Variants in SENP8 observed in about 807,000 individuals in gnomAD.
SENP8 encodes the protein sentrin-specific protease 8.
SENP8 carries 10 observed loss-of-function variants against 14.4 expected under a neutral mutation model. The ratio of observed to expected loss-of-function variants is 0.69; its 90% CI spans 0.43 to 1.18. The LOEUF (loss-of-function observed/expected upper bound fraction) is 1.18, where lower values mean the gene tolerates loss of function less well. Among genes scored for constraint, SENP8 ranks in the 50% most tolerant of loss-of-function variants. SENP8 has a pLI of 0.00. For synonymous variants in SENP8, 94 were observed against 95.5 expected (o/e 0.98, Z 0.09); for missense variants, 202 against 249.4 (o/e 0.81, Z 1.28).
chr15:72,131,668 G>A lies in SENP8; in HGVS notation c.-47-7909G>A, dbSNP rs566541235. On this transcript the variant is annotated intron_variant, in intron 1 of 1. Coordinates refer to ENST00000340912, the MANE Select transcript of SENP8 (RefSeq NM_145204.4). The stretch of plus-strand genomic sequence containing the variant: ...CTTCATTTAATTACAGAATTTGGAA[G>A]ATACAATAAACTAACCCCTGTAATG... Among the ~76,000 whole-genome samples the A allele has an allele frequency of 1.4e-3, 217 of 152,270 alleles. 1 individual carries two copies. The highest frequency in any genetic ancestry group is 4.9e-3 in the African/African-American group (203 of 41,560).
upstream of SENP8, among the ~76,000 whole-genome samples, chr15:72,115,889 G>A (rs1388043192): frequency 6.6e-6 from 1 of 152,016 alleles, no homozygotes; most frequent in Non-Finnish European, 1.5e-5. Context: ...ATGTAACATT[G>A]TTGGTAAAAG....
chr15:72,130,033 A>G (rs1216904918), intron 1 of SENP8, among the ~76,000 whole-genome samples: 1 of 151,914 alleles, frequency 6.6e-6, no homozygotes. Flanking sequence ...TAAAAACAAT[A>G]CAAAAAATTA....
chr15:72,126,294 G>T (rs2081218381), intron 1 of SENP8, among the ~76,000 whole-genome samples: 1 of 152,108 alleles, frequency 6.6e-6, no homozygotes, highest in South Asian at 2.1e-4. Context: ...GCCACAAGGG[G>T]CTAGTGGCTA....
chr15:72,120,396 T>C (rs1457098786), intron 1 of SENP8, among the ~76,000 whole-genome samples: 3 of 152,192 alleles, frequency 2.0e-5, no homozygotes, highest in Non-Finnish European at 2.9e-5. Flanking sequence ...TTGTCTAGTA[T>C]GGCTAGAGCA....
chr15:72,142,242 C>T lies in SENP8; in HGVS notation c.*1980C>T, dbSNP rs2081385492. 6.6e-6 allele frequency: 1 copy of T among 151,974 alleles called. No homozygotes were observed. Among genetic ancestry groups the T allele is most frequent in the South Asian group, 2.1e-4 (1 of 4,824 alleles). 9.4% of individuals were successfully genotyped at this position (151,974 alleles called of 1,614,324 possible). On this transcript the variant is annotated 3_prime_UTR_variant, in exon 2 of 2. Transcript: ENST00000340912. The stretch of plus-strand genomic sequence containing the variant: ...ATGCATTAGCCTGATTGGACTGTGC[C>T]ACAGATTAGTGTCCTCCTATGAAAT...
chr15:72,117,917 C>G, upstream of SENP8: 1 of 398,750 alleles, frequency 2.5e-6, no homozygotes, highest in Admixed American at 4.4e-5. Context: ...CGCCGCACCC[C>G]GCCCAGAGAG....
rs1372902912 is a variant in SENP8, at chr15:72,143,623, ATTCT to A, written c.*3363_*3366del. On this transcript the variant is annotated 3_prime_UTR_variant, in exon 2 of 2. Coordinates refer to ENST00000340912, the MANE Select transcript of SENP8 (RefSeq NM_145204.4). The stretch of plus-strand genomic sequence containing the variant: ...TCTATAGAAATATATAATCTCATTA[ATTCT>A]TATGTTCTCATGTTTCAACAGGTAC... The A allele has an allele frequency of 6.6e-6, 1 of 152,118 alleles. No homozygotes were observed. The highest frequency in any genetic ancestry group is 1.5e-5 in the Non-Finnish European group (1 of 68,022). The allele number at this position is 152,118 out of a possible 1,614,324, so 9.4% of individuals were successfully genotyped here.
intron 1 of SENP8, among the ~76,000 whole-genome samples, chr15:72,129,388 G>C (rs1013275018): frequency 1.3e-5 from 2 of 151,276 alleles, no homozygotes; most frequent in African/African-American, 2.4e-5. Flanking sequence ...TTTTGAGACA[G>C]TTTCGCTGTT....
At chr15:72,129,281 G>A (rs2081248465) in intron 1 of SENP8, among the ~76,000 whole-genome samples, 1 of 152,098 alleles carries the variant, frequency 6.6e-6, no homozygotes, top group Admixed American at 6.5e-5. Flanking sequence ...TATCAACCCA[G>A]CACTTTGGGA....
rs1347750681 is a variant in SENP8 at position 72,132,845 on chromosome 15, T to TA, written c.-47-6731dup. 5.9e-5 allele frequency among the ~76,000 whole-genome samples: 9 copies of TA among 152,064 alleles called. No individual in the cohort carries two copies. In the East Asian group the frequency reaches 1.7e-3, roughly 29 times the overall value. ...ATTCCTACTATCATTTCTCCTGCTT[T>TA]AGGTCATTACCTCCTACCTTTACTT... On this transcript the variant is annotated intron_variant, in intron 1 of 1. Transcript: ENST00000340912.
At chr15:72,134,878 G>T in intron 1 of SENP8, 1 of 281,336 alleles carries the variant, frequency 3.6e-6, no homozygotes, top group Non-Finnish European at 7.1e-6. Flanking sequence ...AAGCAAACAA[G>T]GGCCAGATTC....
rs2081383156 is a variant in SENP8 at position 72,141,893 on chromosome 15, T to C, written c.*1631T>C. Reference sequence around the variant, plus strand: ...ACTGATGATAGGCCACAAGTGTAGATAAAGATAAGAAAACAATGTTATTTC... The same window carrying C: ...ACTGATGATAGGCCACAAGTGTAGACAAAGATAAGAAAACAATGTTATTTC... On this transcript the variant is annotated 3_prime_UTR_variant, in exon 2 of 2. Transcript: ENST00000340912. 6.6e-6 allele frequency: 1 copy of C among 152,310 alleles called. No individual in the cohort carries two copies. The highest frequency in any genetic ancestry group is 3.4e-3 in the Middle Eastern group (1 of 294). 9.4% of individuals were successfully genotyped at this position (152,310 alleles called of 1,614,324 possible). A position where few individuals can be genotyped will look rare whatever the true frequency, so the allele number is the denominator to read the frequency against.
At chr15:72,125,131 T>TTA (rs2081204553) in intron 1 of SENP8, among the ~76,000 whole-genome samples, 4 of 152,168 alleles carry the variant, frequency 2.6e-5, no homozygotes, top group Admixed American at 6.5e-5. Context: ...ATTGTTAATG[T>TTA]CTCCCTTAAG....
intron 1 of SENP8, among the ~76,000 whole-genome samples, chr15:72,123,648 C>G (rs1217657654): frequency 6.6e-6 from 1 of 151,624 alleles, no homozygotes; most frequent in African/African-American, 2.4e-5. Context: ...TCAAGCAATT[C>G]TCCTGCCTCA....
chr15:72,138,750 C>T (rs924099429), intron 1 of SENP8, among the ~76,000 whole-genome samples: 1 of 150,984 alleles, frequency 6.6e-6, no homozygotes, highest in African/African-American at 2.4e-5. Flanking sequence ...ATCACAAGGT[C>T]AGGAATTCGA....
Position 72,132,653 on chromosome 15 carries a change from C to CT in SENP8, c.-47-6903dup, listed in dbSNP as rs975388130. On this transcript the variant is annotated intron_variant, in intron 1 of 1. Coordinates refer to ENST00000340912, the MANE Select transcript of SENP8 (RefSeq NM_145204.4). ...GAAACCTTCAGACCATTTCATAATTCTTTTTTTTTTTTTTTTTTTTTAAAC... is the reference window on the plus strand; with the variant it reads ...GAAACCTTCAGACCATTTCATAATTCTTTTTTTTTTTTTTTTTTTTTTAAAC... Among the ~76,000 whole-genome samples the CT allele has an allele frequency of 4.9e-3, 615 of 125,118 alleles. 3 individuals carry two copies. Among genetic ancestry groups the CT allele is most frequent in the African/African-American group, 9.0e-3 (310 of 34,596 alleles). 82.1% of individuals were successfully genotyped at this position (125,118 alleles called of 152,430 possible).
At position 72,139,760 on chromosome 15, in the gene SENP8, A is replaced by G; in HGVS notation, c.137A>G (p.Asp46Gly). 1 of 1,614,170 alleles carries G rather than the reference A, an allele frequency of 6.2e-7. No individual in the cohort carries two copies. Among genetic ancestry groups the G allele is most frequent in the Non-Finnish European group, 8.5e-7 (1 of 1,180,020 alleles). Residue 46 changes from aspartate (D) to glycine (G), a missense_variant, in exon 2 of 2, where the codon GAC (aspartate) becomes GGC (glycine). Coordinates refer to ENST00000340912, the MANE Select transcript of SENP8 (RefSeq NM_145204.4). Reference sequence around the variant, plus strand: ...TACTTTGCCAACAGTCAGTTTCATGACTGCTCTGATCACGTCAGTTTCATC... The same window carrying G: ...TACTTTGCCAACAGTCAGTTTCATGGCTGCTCTGATCACGTCAGTTTCATC... ...FEYFANSQFH[D>G]CSDHVSFISP... is the part of the protein sequence containing the mutation.
At position 72,140,499 on chromosome 15, in the gene SENP8, C is replaced by T. The variant is rs543954468; in HGVS notation, c.*237C>T. 1 of 508,242 alleles carries T rather than the reference C, an allele frequency of 2.0e-6. No homozygotes were observed. Among genetic ancestry groups the T allele is most frequent in the South Asian group, 2.9e-5 (1 of 33,926 alleles). The allele number at this position is 508,242 out of a possible 1,614,324, so 31.5% of individuals were successfully genotyped here. A position where few individuals can be genotyped will look rare whatever the true frequency, so the allele number is the denominator to read the frequency against. ...GAAATTGTACACCAAAACCTTACAA[C>T]CAACTTATTTGAACATTTATTACAC... On this transcript the variant is annotated 3_prime_UTR_variant, in exon 2 of 2. Coordinates refer to ENST00000340912, the MANE Select transcript of SENP8 (RefSeq NM_145204.4).
chr15:72,117,843 G>A (rs2081057294), upstream of SENP8: 3 of 398,642 alleles, frequency 7.5e-6, no homozygotes, highest in Non-Finnish European at 8.9e-6. Context: ...GTCCGGGCGA[G>A]CGGCCGCGGC....
Sources: allele counts gnomAD v4.1 joint callset (sites outside exome capture counted in the v4.1 genomes callset), GRCh38; gene constraint gnomAD v4.1.1; transcripts MANE v1.5; gene names NCBI Gene and HGNC (gene_info 2026-07-23, HGNC 2026-07-21).